Variants in SYNE2 observed in about 807,000 individuals in gnomAD.
SYNE2 encodes the protein nesprin-2.
Under a neutral mutation model 856.3 loss-of-function variants are expected in SYNE2, and 431 were observed. That is an observed-to-expected ratio of 0.50 (90% CI 0.47 to 0.55). SYNE2 has a LOEUF of 0.55. Among genes scored for constraint, SYNE2 ranks in the 20% least tolerant of loss-of-function variants. The pLI is 0.00. For missense variants in SYNE2, 8,129 were observed against 8,023.2 expected, an observed-to-expected ratio of 1.01 and a Z score of -0.50; for synonymous variants, 2,923 against 2,872.3, an observed-to-expected ratio of 1.02 and a Z score of -0.56.
chr14:64,207,605 T>A (rs2098613121), intron 100 of SYNE2, among the ~76,000 whole-genome samples: 1 of 151,558 alleles, frequency 6.6e-6, no homozygotes, highest in Non-Finnish European at 1.5e-5. Context: ...ATAGTAGTAA[T>A]CTCAAGTTAT....
At chr14:63,824,982 A>G (rs926976843) in intron 1 of SYNE2, among the ~76,000 whole-genome samples, 1 of 151,320 alleles carries the variant, frequency 6.6e-6, no homozygotes, top group African/African-American at 2.4e-5. Context: ...AAATACAAAA[A>G]TTAGCTGGGC....
chr14:64,124,961 C>T, intron 70 of SYNE2, 118 bp from the exon 71 acceptor site: 1 of 1,265,976 alleles, frequency 7.9e-7, no homozygotes, highest in Non-Finnish European at 1.1e-6. Flanking sequence ...GGAGATCATG[C>T]CACTGCACTC....
intron 30 of SYNE2, among the ~76,000 whole-genome samples, chr14:64,004,858 C>A (rs952437591): frequency 6.6e-6 from 1 of 152,168 alleles, no homozygotes. Flanking sequence ...CTGGATGACA[C>A]AGCAAGACCC....
At position 64,122,382 on chromosome 14, in the gene SYNE2, C is replaced by G. The variant is rs141379692; in HGVS notation, c.13377C>G (p.Leu4459=). Residue 4459 remains leucine (L), a synonymous_variant, in exon 70 of 116, where the codon CTC becomes CTG. Coordinates refer to ENST00000555002, the MANE Select transcript of SYNE2 (RefSeq NM_182914.3). Reference sequence around the variant, plus strand: ...AGTGGCAATATCTGCATCATGAACTCTCATCAAAAATAAAGCTCCCACTCC... The same window carrying G: ...AGTGGCAATATCTGCATCATGAACTGTCATCAAAAATAAAGCTCCCACTCC... ...GDKWQYLHHE[L]SSKIKLPLPQ... is the part of the protein sequence containing the mutation. 4.7e-4 allele frequency: 753 copies of G among 1,614,090 alleles called. No individual in the cohort carries two copies. The highest frequency in any genetic ancestry group is 6.2e-4 in the Non-Finnish European group (732 of 1,180,044).
intron 32 of SYNE2, among the ~76,000 whole-genome samples, chr14:64,011,155 A>G (rs1225520203): frequency 6.6e-6 from 1 of 152,136 alleles, no homozygotes; most frequent in African/African-American, 2.4e-5. Flanking sequence ...AGTGTCAGGA[A>G]TGGCCCTTGT....
intron 1 of SYNE2, among the ~76,000 whole-genome samples, chr14:63,826,603 A>G (rs899558908): frequency 1.3e-5 from 2 of 152,110 alleles, no homozygotes; most frequent in African/African-American, 4.8e-5. Context: ...CCTGGCCAAC[A>G]ATAGTTTTTT....
At chr14:64,224,340 G>A in intron 113 of SYNE2, 121 bp from the exon 114 acceptor site, 1 of 962,166 alleles carries the variant, frequency 1.0e-6, no homozygotes, top group Non-Finnish European at 1.7e-6. Context: ...GACACAGTGA[G>A]ACTGTCTAAA....
intron 94 of SYNE2, 108 bp from the exon 95 acceptor site, chr14:64,174,830 TTATATC>T: frequency 1.0e-6 from 1 of 960,720 alleles, no homozygotes; most frequent in Non-Finnish European, 1.6e-6. Flanking sequence ...TTTGTCTAAT[TTATATC>T]TAGTTTAACT....
chr14:63,877,924 G>A (rs1306438940), intron 1 of SYNE2, among the ~76,000 whole-genome samples: 1 of 149,578 alleles, frequency 6.7e-6, no homozygotes, highest in Non-Finnish European at 1.5e-5. Context: ...GTCTCATTCT[G>A]TTGCCCAGGC....
At chr14:63,948,672 A>AG (rs2096075307) in intron 6 of SYNE2, among the ~76,000 whole-genome samples, 1 of 144,526 alleles carries the variant, frequency 6.9e-6, no homozygotes, top group Non-Finnish European at 1.5e-5. Context: ...AAAAAAAAAA[A>AG]ATTATATATA....
At chr14:63,879,207 T>C (rs925010264) in intron 1 of SYNE2, among the ~76,000 whole-genome samples, 2 of 152,222 alleles carry the variant, frequency 1.3e-5, no homozygotes, top group African/African-American at 4.8e-5. Flanking sequence ...CAAAAGGCAT[T>C]GAAAAGTCTC....
In SYNE2 at chr14:63,761,987, G is replaced by A; in HGVS notation, c.-305+1G>A. ...CGGGGACCCAGTGACAGCGTGAGAG[G>A]TAATAGGTTTTGACAAGTTTGCATC... On this transcript the variant is annotated splice_donor_variant, in intron 1 of 23. Transcript: ENST00000674003. LOFTEE classifies it low-confidence loss of function (5UTR_SPLICE). 1 of 415,424 alleles carries A rather than the reference G, an allele frequency of 2.4e-6. No homozygotes were observed. 25.7% of individuals were successfully genotyped at this position (415,424 alleles called of 1,614,324 possible). A position where few individuals can be genotyped will look rare whatever the true frequency, so the allele number is the denominator to read the frequency against.
At chr14:63,944,319 T>C (rs1347803136) in intron 6 of SYNE2, among the ~76,000 whole-genome samples, 1 of 148,262 alleles carries the variant, frequency 6.7e-6, no homozygotes, top group Non-Finnish European at 1.5e-5. Flanking sequence ...AATAAATAAA[T>C]GGAGGCATGA....
chr14:63,998,433 C>A, intron 26 of SYNE2, 105 bp downstream of exon 26: 1 of 757,420 alleles, frequency 1.3e-6, no homozygotes, highest in Non-Finnish European at 2.3e-6. Context: ...CGTCATTTTG[C>A]ATATGATCCA....
chr14:64,097,335 TA>T (rs150415470), intron 61 of SYNE2, among the ~76,000 whole-genome samples: 1 of 151,142 alleles, frequency 6.6e-6, no homozygotes, highest in Non-Finnish European at 1.5e-5. Context: ...AGACTCTGCT[TA>T]AAAAAAAAGT....
chr14:64,046,912 T>C (rs1448883629), intron 45 of SYNE2, among the ~76,000 whole-genome samples: 2 of 152,218 alleles, frequency 1.3e-5, no homozygotes, highest in African/African-American at 4.8e-5. Flanking sequence ...CCTGAAGCCC[T>C]AGAAAGGGGT....
rs769021622 is a variant in SYNE2 at position 63,978,893 on chromosome 14, A to G, written c.1448A>G (p.Glu483Gly). The G allele has an allele frequency of 6.2e-7, 1 of 1,613,000 alleles. No homozygotes were observed. Among genetic ancestry groups the G allele is most frequent in the Non-Finnish European group, 8.5e-7 (1 of 1,179,148 alleles). Reference protein sequence around the residue: ...ILEKKFILLLEFHYYKCLVLG... With the variant: ...ILEKKFILLLGFHYYKCLVLG... ...GAGAAAAAATTTATTCTACTTCTAG[A>G]ATTTCATTACTACAAGTGCTTAGTT... The change falls in exon 14 of 116, where the codon GAA becomes GGA. Residue 483 changes from glutamate (E) to glycine (G), a missense_variant. Glu to Gly is a moderately conservative substitution (Grantham distance 98, BLOSUM62 -2). This residue lies in a region of SYNE2 where 2,422 missense variants were observed against 2,357.4 expected (regional missense o/e 1.03). Transcript: ENST00000555002.
chr14:64,206,764 C>T (rs899236149), intron 100 of SYNE2, among the ~76,000 whole-genome samples: 3 of 152,096 alleles, frequency 2.0e-5, no homozygotes, highest in African/African-American at 7.2e-5. Flanking sequence ...CTTCTCTCGG[C>T]TTTTCAACTA....
intron 30 of SYNE2, among the ~76,000 whole-genome samples, chr14:64,006,536 T>C (rs373770228): frequency 4.1e-4 from 63 of 152,252 alleles, no homozygotes; most frequent in African/African-American, 1.3e-3. Flanking sequence ...AAATTAATAT[T>C]CTGGAAATGC....
Sources: allele counts gnomAD v4.1 joint callset (sites outside exome capture counted in the v4.1 genomes callset), GRCh38; gene constraint gnomAD v4.1.1; regional missense constraint gnomAD v4.1.1; transcripts MANE v1.5; gene names NCBI Gene and HGNC (gene_info 2026-07-23, HGNC 2026-07-21).